The following PTPMT1 variants were observed in gnomAD, a reference collection of about 807,000 sequenced individuals.
The protein encoded by PTPMT1 is phosphatidylglycerophosphatase and protein-tyrosine phosphatase 1.
A neutral mutation model predicts 17.8 loss-of-function variants in PTPMT1; 12 were observed. That is an observed-to-expected ratio of 0.67 (90% CI 0.43 to 1.09). The LOEUF (loss-of-function observed/expected upper bound fraction) is 1.09, where lower values mean the gene tolerates loss of function less well. PTPMT1 is among the 50% of genes least tolerant of loss of function. PTPMT1 has a pLI of 0.00. For synonymous variants in PTPMT1, 132 were observed against 116.8 expected (o/e 1.13, Z -0.84); for missense variants, 262 against 266.0 (o/e 0.99, Z 0.10).
intron 3 of PTPMT1, among the ~76,000 whole-genome samples, chr11:47,571,259 C>T (rs1205176391): frequency 6.6e-6 from 1 of 152,130 alleles, no homozygotes; most frequent in Non-Finnish European, 1.5e-5. Context: ...GACTTTCCAC[C>T]TGACCTGTTG....
Position 47,572,720 on chromosome 11 carries a change from G to C in PTPMT1, c.*1091G>C. ...ATGACTAGGGAATGGCAGAGAACAG[G>C]CTGGCCTACTGTCAGTTCAAGCAAC... On this transcript the variant is annotated 3_prime_UTR_variant, in exon 4 of 4. Transcript: ENST00000326674. 1.7e-6 allele frequency: 1 copy of C among 590,642 alleles called. No homozygotes were observed. The highest frequency in any genetic ancestry group is 3.0e-6 in the Non-Finnish European group (1 of 335,412). The allele number at this position is 590,642 out of a possible 1,614,324, so 36.6% of individuals were successfully genotyped here. A position where few individuals can be genotyped will look rare whatever the true frequency, so the allele number is the denominator to read the frequency against.
rs1031086396 is a variant in PTPMT1 at position 47,571,583 on chromosome 11, C to T, written c.560C>T (p.Thr187Ile). Residue 187 changes from threonine to isoleucine, a missense_variant, in exon 4 of 4, where the codon ACT (threonine) becomes ATT (isoleucine). Coordinates refer to ENST00000326674, the MANE Select transcript of PTPMT1 (RefSeq NM_175732.3). ...CTTAAAGAGTTCCACAAGCAGATTA[C>T]TGCACGGGCAACAAAGGATGGGACT... Reference protein sequence around the residue: ...DVLKEFHKQITARATKDGTFV... With the variant: ...DVLKEFHKQIIARATKDGTFV... The T allele has an allele frequency of 9.9e-6, 16 of 1,613,890 alleles. No homozygotes were observed. The highest frequency in any genetic ancestry group is 1.2e-5 in the Non-Finnish European group (14 of 1,180,030).
intron 3 of PTPMT1, 43 bp from the exon 4 acceptor site, chr11:47,571,428 T>C: frequency 6.2e-7 from 1 of 1,600,362 alleles, no homozygotes; most frequent in East Asian, 2.2e-5. Flanking sequence ...CCTTGACACC[T>C]GCTTCTTTCT....
chr11:47,566,602 A>T (rs1020664302), intron 2 of PTPMT1, among the ~76,000 whole-genome samples: 3 of 152,158 alleles, frequency 2.0e-5, no homozygotes, highest in African/African-American at 7.2e-5. Context: ...TTGAAAGGCA[A>T]CTTTCCCATG....
chr11:47,565,763 G>A lies in PTPMT1; in HGVS notation c.141G>A (p.Leu47=). 6.3e-7 allele frequency: 1 copy of A among 1,594,590 alleles called. No individual in the cohort carries two copies. The highest frequency in any genetic ancestry group is 1.3e-5 in the African/African-American group (1 of 74,302). Residue 47 remains leucine (L), a synonymous_variant, in exon 1 of 4, where the codon CTG becomes CTA. Coordinates refer to ENST00000326674, the MANE Select transcript of PTPMT1 (RefSeq NM_175732.3). The part of the protein sequence containing the change: ...WYHRIDPTVL[L]GALPLRSLTR... The stretch of plus-strand genomic sequence containing the variant: ...ACCGCATCGACCCCACCGTGCTGCT[G>A]GGCGCGCTGCCGTTGCGGAGCTTGA...
At position 47,571,641 on chromosome 11, in the gene PTPMT1, T is replaced by C. The variant is rs1375312944; in HGVS notation, c.*12T>C. 2 of 1,613,462 alleles carry C rather than the reference T, an allele frequency of 1.2e-6. No individual in the cohort carries two copies. The highest frequency in any genetic ancestry group is 3.3e-5 in the Admixed American group (2 of 59,916). ...TTTCAAAGACATGATGTATGGGGAT[T>C]AGAAAGAACTCAAGACACTCCTGCT... On this transcript the variant is annotated 3_prime_UTR_variant, in exon 4 of 4. Coordinates refer to ENST00000326674, the MANE Select transcript of PTPMT1 (RefSeq NM_175732.3).
Position 47,565,660 on chromosome 11 carries a change from G to T in PTPMT1, c.38G>T (p.Arg13Leu). The T allele has an allele frequency of 2.2e-6, 3 of 1,385,990 alleles. No homozygotes were observed. Among genetic ancestry groups the T allele is most frequent in the Non-Finnish European group, 2.8e-6 (3 of 1,070,584 alleles). 85.9% of individuals were successfully genotyped at this position (1,385,990 alleles called of 1,614,324 possible). A position where few individuals can be genotyped will look rare whatever the true frequency, so the allele number is the denominator to read the frequency against. ...GCGCTGCTGGAGGCCGGCCTGGCGC[G>T]GGTGCTCTTCTACCCGACGCTGCTC... The part of the protein sequence containing the change: ...ATALLEAGLA[R>L]VLFYPTLLYT... Residue 13 changes from arginine (R) to leucine (L), a missense_variant, in exon 1 of 4, where the codon CGG (arginine) becomes CTG (leucine). Transcript: ENST00000326674.
Position 47,572,922 on chromosome 11 carries a change from CCA to C in PTPMT1, c.*1296_*1297del, listed in dbSNP as rs2097251862. On this transcript the variant is annotated 3_prime_UTR_variant, in exon 4 of 4. Transcript: ENST00000326674. ...GGAGTGAGCAGTTCTCCTCCCCTCC[CCA>C]CAGCCTTAGGCCAACACAAACTGCA... 5 of 1,605,848 alleles carry C rather than the reference CCA, an allele frequency of 3.1e-6. No homozygotes were observed. The highest frequency in any genetic ancestry group is 4.3e-6 in the Non-Finnish European group (5 of 1,174,294).
rs1014301201 is a variant in PTPMT1, at chr11:47,571,507, A to G, written c.484A>G (p.Ile162Val). Residue 162 changes from isoleucine to valine, a missense_variant, in exon 4 of 4, where the codon ATC (isoleucine) becomes GTC (valine). By Grantham distance (29) the Ile-to-Val change is conservative. Coordinates refer to ENST00000326674, the MANE Select transcript of PTPMT1 (RefSeq NM_175732.3). The part of the protein sequence containing the change: ...KWSPEEAVRA[I>V]AKIRSYIHIR... Reference sequence around the variant, plus strand: ...GAGTCCAGAGGAGGCTGTAAGAGCCATCGCCAAGATCCGGTCATACATCCA... The same window carrying G: ...GAGTCCAGAGGAGGCTGTAAGAGCCGTCGCCAAGATCCGGTCATACATCCA... The G allele has an allele frequency of 4.3e-6, 7 of 1,614,120 alleles. No homozygotes were observed. The highest frequency in any genetic ancestry group is 1.7e-5 in the Admixed American group (1 of 59,988).
chr11:47,573,364 T>G lies in PTPMT1; in HGVS notation c.*1735T>G. The G allele has an allele frequency of 6.2e-7, 1 of 1,614,214 alleles. No individual in the cohort carries two copies. The highest frequency in any genetic ancestry group is 8.5e-7 in the Non-Finnish European group (1 of 1,180,034). On this transcript the variant is annotated 3_prime_UTR_variant, in exon 4 of 4. Transcript: ENST00000326674. The surrounding 1 kb of genome is among the most constrained non-coding windows in gnomAD (Gnocchi z 4.1). ...AGTAAGTAGATGATCCCGTTGAGGT[T>G]GGCACCAGCAGCCCCTGACACAGCC... is the stretch of plus-strand genomic sequence containing the variant.
At chr11:47,568,693 A>G (rs2097247722) in intron 2 of PTPMT1, among the ~76,000 whole-genome samples, 1 of 151,844 alleles carries the variant, frequency 6.6e-6, no homozygotes, top group South Asian at 2.1e-4. Flanking sequence ...CTAAAATAAA[A>G]TATATATATA....
In PTPMT1 at chr11:47,573,089, G is replaced by A. The variant is rs1316263342; in HGVS notation, c.*1460G>A. 3 of 1,614,204 alleles carry A rather than the reference G, an allele frequency of 1.9e-6. No individual in the cohort carries two copies. The highest frequency in any genetic ancestry group is 2.7e-5 in the African/African-American group (2 of 75,052). On this transcript the variant is annotated 3_prime_UTR_variant, in exon 4 of 4. Coordinates refer to ENST00000326674, the MANE Select transcript of PTPMT1 (RefSeq NM_175732.3). The surrounding 1 kb of genome is among the most constrained non-coding windows in gnomAD (Gnocchi z 4.1). Reference sequence around the variant, plus strand: ...TCCCGTTACAGCTGGCAATCTTCCAGAGGGATGGGGCAGAGCTCCAGGCCT... The same window carrying A: ...TCCCGTTACAGCTGGCAATCTTCCAAAGGGATGGGGCAGAGCTCCAGGCCT...
rs535731970 is a variant in PTPMT1, at chr11:47,569,118, G to A, written c.256-582G>A. Among the ~76,000 whole-genome samples the A allele has an allele frequency of 2.0e-5, 3 of 152,198 alleles. No individual in the cohort carries two copies. In the East Asian group the frequency reaches 5.8e-4, roughly 29 times the overall value. On this transcript the variant is annotated intron_variant, in intron 2 of 3. Coordinates refer to ENST00000326674, the MANE Select transcript of PTPMT1 (RefSeq NM_175732.3). Reference sequence around the variant, plus strand: ...GAACACTTTACCTGCTGGTGTGGTGGCTCACACCTGTAATCCCAGCACTTT... The same window carrying A: ...GAACACTTTACCTGCTGGTGTGGTGACTCACACCTGTAATCCCAGCACTTT...
intron 3 of PTPMT1, among the ~76,000 whole-genome samples, chr11:47,570,186 CAAAAAAAAAAA>C (rs548462674): frequency 1.2e-5 from 1 of 85,568 alleles, no homozygotes; most frequent in African/African-American, 4.5e-5. Flanking sequence ...GAAACTGTCT[CAAAAAAAAAAA>C]AAAAAAAAAA....
chr11:47,571,819 G>C lies in PTPMT1; in HGVS notation c.*190G>C. ...ACTGTTGTGTGGCTAGAAAGGAAAA[G>C]ATTTAGTGTGGCTTGTATTCATGGG... is the stretch of plus-strand genomic sequence containing the variant. On this transcript the variant is annotated 3_prime_UTR_variant, in exon 4 of 4. Transcript: ENST00000326674. 1 of 582,240 alleles carries C rather than the reference G, an allele frequency of 1.7e-6. No homozygotes were observed. Among genetic ancestry groups the C allele is most frequent in the Non-Finnish European group, 3.0e-6 (1 of 329,822 alleles). The allele number at this position is 582,240 out of a possible 1,614,324, so 36.1% of individuals were successfully genotyped here.
rs186928454 is a variant in PTPMT1, at chr11:47,570,759, T to C, written c.448-712T>C. On this transcript the variant is annotated intron_variant, in intron 3 of 3. Coordinates refer to ENST00000326674, the MANE Select transcript of PTPMT1 (RefSeq NM_175732.3). ...GGAGAAACAAATACCCTGTAGTCCA[T>C]CATCATTTTGTAACCTAAGTTACAA... Among the ~76,000 whole-genome samples, 65 of 152,316 alleles carry C rather than the reference T, an allele frequency of 4.3e-4. 1 individual carries two copies. Among genetic ancestry groups the C allele is most frequent in the Non-Finnish European group, 8.1e-4 (55 of 68,032 alleles).
intron 3 of PTPMT1, among the ~76,000 whole-genome samples, chr11:47,570,474 C>T (rs1470682774): frequency 2.0e-5 from 3 of 152,222 alleles, no homozygotes; most frequent in African/African-American, 7.2e-5. Flanking sequence ...ACATCAAGTG[C>T]TGGCCTATAG....
chr11:47,570,065 A>C (rs1270248542), intron 3 of PTPMT1, among the ~76,000 whole-genome samples, 174 bp downstream of exon 3: 1 of 151,608 alleles, frequency 6.6e-6, no homozygotes, highest in Admixed American at 6.6e-5. Flanking sequence ...GGTGGTGTGC[A>C]CCTGTAGTCC....
chr11:47,567,972 T>C (rs1011427717), intron 2 of PTPMT1, among the ~76,000 whole-genome samples: 1 of 152,016 alleles, frequency 6.6e-6, no homozygotes, highest in African/African-American at 2.4e-5. Flanking sequence ...AGGCTGGAAG[T>C]GCAGTGGCAC....
Sources: allele counts gnomAD v4.1 joint callset (sites outside exome capture counted in the v4.1 genomes callset), GRCh38; gene constraint gnomAD v4.1.1; non-coding constraint Gnocchi (gnomAD v3.1); transcripts MANE v1.5; gene names NCBI Gene and HGNC (gene_info 2026-07-23, HGNC 2026-07-21).